Variants in LCT observed in about 807,000 individuals in gnomAD.
The protein encoded by LCT is lactase/phlorizin hydrolase.
Under a neutral mutation model 173.0 loss-of-function variants are expected in LCT, and 90 were observed. The ratio of observed to expected loss-of-function variants is 0.52; its 90% CI spans 0.44 to 0.62. The LOEUF is 0.62. LCT is among the 20% of genes least tolerant of loss of function. LCT has a pLI of 0.00. For missense variants in LCT, 1,864 were observed against 2,431.4 expected, an observed-to-expected ratio of 0.77 and a Z score of 4.91; for synonymous variants, 853 against 957.6, an observed-to-expected ratio of 0.89 and a Z score of 2.02.
At chr2:135,835,601 A>AATTG (rs2077982056) in intron 1 of LCT, among the ~76,000 whole-genome samples, 2 of 148,204 alleles carry the variant, frequency 1.3e-5, no homozygotes, top group Admixed American at 1.3e-4. Flanking sequence ...TATAATCCAA[A>AATTG]ATTGATTCTC....
chr2:135,828,293 G>A (rs1014318314), intron 3 of LCT, among the ~76,000 whole-genome samples: 1 of 152,194 alleles, frequency 6.6e-6, no homozygotes, highest in Admixed American at 6.5e-5. Context: ...AAAGTGCTGG[G>A]ATTACAGGCA....
In LCT at chr2:135,823,955, C is replaced by G; in HGVS notation, c.853G>C (p.Asp285His). Residue 285 changes from aspartate (D) to histidine (H), a missense_variant, in exon 4 of 17, where the codon GAC becomes CAC. This residue lies in a region of LCT where 412 missense variants were observed against 462.0 expected (regional missense o/e 0.89). Transcript: ENST00000264162. The part of the protein sequence containing the change: ...KVFIFNLKLP[D>H]CPSTMKNPAS... ...GGGTTCTTCATGGTGGAGGGGCAGT[C>G]TGGGAGTTTTAGGTTGAAGATGAAA... 1 of 1,614,124 alleles carries G rather than the reference C, an allele frequency of 6.2e-7. No homozygotes were observed. Among genetic ancestry groups the G allele is most frequent in the South Asian group, 1.1e-5 (1 of 91,082 alleles).
intron 11 of LCT, among the ~76,000 whole-genome samples, chr2:135,802,497 G>A (rs2077635128): frequency 6.6e-6 from 1 of 152,248 alleles, no homozygotes; most frequent in Non-Finnish European, 1.5e-5. Flanking sequence ...TAAAGAAAAT[G>A]TGGCATCTAT....
At chr2:135,812,166 G>C in intron 7 of LCT, 145 bp downstream of exon 7, 2 of 744,544 alleles carry the variant, frequency 2.7e-6, no homozygotes, top group Non-Finnish European at 4.8e-6. Flanking sequence ...AGAGAGTTAG[G>C]GAGCTGACGT....
In LCT at chr2:135,833,104, C is replaced by T; in HGVS notation, c.720+7G>A. On this transcript the variant is annotated splice_region_variant and intron_variant, in intron 2 of 16. Coordinates refer to ENST00000264162, the MANE Select transcript of LCT (RefSeq NM_002299.4). ...ATGTTACAGGTATATTTTTGGGCTG[C>T]TGTCACCTGGGCAAGCGCAGATATG... 1 of 1,608,484 alleles carries T rather than the reference C, an allele frequency of 6.2e-7. No individual in the cohort carries two copies. The highest frequency in any genetic ancestry group is 8.5e-7 in the Non-Finnish European group (1 of 1,174,954).
intron 3 of LCT, among the ~76,000 whole-genome samples, chr2:135,826,402 C>CAA (rs373224567): frequency 0.031 from 3,214 of 103,620 alleles, 73 homozygotes; most frequent in East Asian, 0.068. Context: ...GCTACAAATA[C>CAA]AAAAAAAAAA....
At chr2:135,834,386 C>T (rs1285022935) in intron 1 of LCT, among the ~76,000 whole-genome samples, 4 of 150,398 alleles carry the variant, frequency 2.7e-5, no homozygotes, top group Admixed American at 6.6e-5. Flanking sequence ...GGGGTTTCAC[C>T]GTGTTAGCCA....
At position 135,807,119 on chromosome 2, in the gene LCT, A is replaced by G; in HGVS notation, c.4173+9T>C. 6.2e-7 allele frequency: 1 copy of G among 1,613,810 alleles called. No individual in the cohort carries two copies. Among genetic ancestry groups the G allele is most frequent in the Non-Finnish European group, 8.5e-7 (1 of 1,179,924 alleles). ...AGTCACTGGTGTCCCACCATCCTGAACTCCTCACCTGATATGCAGCAGAAG... is the reference window on the plus strand; with the variant it reads ...AGTCACTGGTGTCCCACCATCCTGAGCTCCTCACCTGATATGCAGCAGAAG... On this transcript the variant is annotated intron_variant, in intron 9 of 16. Transcript: ENST00000264162.
chr2:135,815,882 A>G (rs549005680), intron 6 of LCT, among the ~76,000 whole-genome samples: 3 of 152,206 alleles, frequency 2.0e-5, no homozygotes, highest in Non-Finnish European at 4.4e-5. Context: ...GTATTTTAGT[A>G]GAGACAGGAT....
rs1354634681 is a variant in LCT, at chr2:135,817,277, T to C, written c.1707+64A>G. On this transcript the variant is annotated intron_variant, in intron 6 of 16. Coordinates refer to ENST00000264162, the MANE Select transcript of LCT (RefSeq NM_002299.4). ...TGCTGATGGAAGAAAACAGAGAAAA[T>C]GACTTTCTTCCAGCCAATGTCCTTT... The C allele has an allele frequency of 5.8e-6, 9 of 1,551,354 alleles. No homozygotes were observed. In the Admixed American group the frequency reaches 1.7e-4, roughly 30 times the overall value.
Position 135,802,882 on chromosome 2 carries a change from C to T in LCT, c.4663+1048G>A, listed in dbSNP as rs539498085. ...ATCCCAGCACTTTGGGAGGCTGAGG[C>T]GGGCGGATTACCTGAGGTCACGAGT... On this transcript the variant is annotated intron_variant, in intron 11 of 16. Transcript: ENST00000264162. Among the ~76,000 whole-genome samples, 1,383 of 152,216 alleles carry T rather than the reference C, an allele frequency of 9.1e-3. 17 individuals carry two copies. The highest frequency in any genetic ancestry group is 0.017 in the Middle Eastern group (5 of 294).
intron 9 of LCT, among the ~76,000 whole-genome samples, chr2:135,806,402 T>C (rs955395347): frequency 6.6e-6 from 1 of 152,168 alleles, no homozygotes; most frequent in Non-Finnish European, 1.5e-5. Context: ...AAGAAAAACA[T>C]TTAAAAAATA....
At position 135,833,130 on chromosome 2, in the gene LCT, G is replaced by C. The variant is rs758393353; in HGVS notation, c.701C>G (p.Pro234Arg). The change falls in exon 2 of 17, where the codon CCC (proline) becomes CGC (arginine). Residue 234 changes from proline (P) to arginine (R), a missense_variant. By Grantham distance (103) the Pro-to-Arg change is moderately radical. Coordinates refer to ENST00000264162, the MANE Select transcript of LCT (RefSeq NM_002299.4). ...EDIPELLLEP[P>R]ISALAQDTVD... is the part of the protein sequence containing the mutation. ...TGTCACCTGGGCAAGCGCAGATATG[G>C]GTGGTTCTAGCAGGAGCTCCGGGAT... 2.5e-6 allele frequency: 4 copies of C among 1,613,854 alleles called. No individual in the cohort carries two copies. The highest frequency in any genetic ancestry group is 1.7e-4 in the Middle Eastern group (1 of 6,060).
chr2:135,805,139 G>A, intron 9 of LCT, 82 bp from the exon 10 acceptor site: 1 of 1,313,212 alleles, frequency 7.6e-7, no homozygotes, highest in Non-Finnish European at 1.1e-6. Context: ...TGAGTCTCAA[G>A]TCAGGACGTT....
At chr2:135,818,252 G>A (rs1211761463) in intron 5 of LCT, among the ~76,000 whole-genome samples, 191 bp from the exon 6 acceptor site, 3 of 152,166 alleles carry the variant, frequency 2.0e-5, no homozygotes, top group Non-Finnish European at 4.4e-5. Flanking sequence ...CCCTTCTGAG[G>A]TGAGTGATTC....
rs946081418 is a variant in LCT, at chr2:135,833,726, G to A, written c.641-536C>T. On this transcript the variant is annotated intron_variant, in intron 1 of 16. Coordinates refer to ENST00000264162, the MANE Select transcript of LCT (RefSeq NM_002299.4). ...CTCCCAAAGTGTTGGGATTACAGGC[G>A]TGAGCCACCGCGCCCGGCCATCTTA... 3.5e-4 allele frequency among the ~76,000 whole-genome samples: 53 copies of A among 151,938 alleles called. 1 individual carries two copies. The highest frequency in any genetic ancestry group is 1.3e-3 in the African/African-American group (52 of 41,414).
Position 135,790,729 on chromosome 2 carries a change from C to G in LCT, c.5264G>C (p.Arg1755Pro). The G allele has an allele frequency of 6.2e-7, 1 of 1,613,756 alleles. No individual in the cohort carries two copies. The highest frequency in any genetic ancestry group is 2.2e-5 in the East Asian group (1 of 44,880). ...AGTGTCATTGAGGTCTGTTTCTTCC[C>G]GCTGGGACACTCCATTCTCTGTGAC... ...IYVTENGVSQ[R>P]EETDLNDTAR... Residue 1755 changes from arginine to proline, a missense_variant, in exon 15 of 17, where the codon CGG becomes CCG. Coordinates refer to ENST00000264162, the MANE Select transcript of LCT (RefSeq NM_002299.4). The surrounding 1 kb of genome is among the most constrained non-coding windows in gnomAD (Gnocchi z 4.1).
Position 135,800,828 on chromosome 2 carries a change from A to T in LCT, c.4664-19T>A. On this transcript the variant is annotated intron_variant, in intron 11 of 16. Transcript: ENST00000264162. ...GAGACTCCTGGAAACATACACATGG[A>T]TGTCAACAGAGAATGGATAGAATGG... 1 of 1,573,650 alleles carries T rather than the reference A, an allele frequency of 6.4e-7. No homozygotes were observed. The highest frequency in any genetic ancestry group is 8.7e-7 in the Non-Finnish European group (1 of 1,143,374).
intron 5 of LCT, chr2:135,821,755 G>T (rs760149271): frequency 2.1e-6 from 1 of 471,952 alleles, no homozygotes; most frequent in Non-Finnish European, 3.9e-6. Context: ...CTACCAGAGT[G>T]CTGGGATTAC....
Sources: gnomAD v4.1 joint callset for allele counts (sites outside exome capture counted in the v4.1 genomes callset) on GRCh38, gnomAD v4.1.1 for gene constraint, gnomAD v4.1.1 regional missense constraint, Gnocchi (gnomAD v3.1) non-coding constraint, MANE v1.5 for transcripts, NCBI Gene and HGNC (gene_info 2026-07-23, HGNC 2026-07-21) for gene names.